TEAD1: variants seen among roughly 807,000 people sequenced by gnomAD.
The protein encoded by TEAD1 is TEA domain transcription factor 1, also known as transcriptional enhancer factor TEF-1.
In TEAD1, 9 loss-of-function variants were observed where a neutral mutation model predicts 54.9. That is an observed-to-expected ratio of 0.16 (90% CI 0.10 to 0.29). TEAD1 has a LOEUF of 0.29. TEAD1 is among the 10% of genes least tolerant of loss of function. TEAD1 has a pLI of 1.00. For missense variants in TEAD1, 387 were observed against 535.9 expected (o/e 0.72, Z 2.74); for synonymous variants, 200 against 187.8 (o/e 1.07, Z -0.53).
At chr11:12,819,497 T>G (rs1946489455) in intron 3 of TEAD1, among the ~76,000 whole-genome samples, 1 of 152,174 alleles carries the variant, frequency 6.6e-6, no homozygotes, top group South Asian at 2.1e-4. Flanking sequence ...TCACCCAGGC[T>G]GGAGTGTAGT....
intron 2 of TEAD1, among the ~76,000 whole-genome samples, chr11:12,722,204 C>T (rs1352055093): frequency 1.3e-5 from 2 of 152,190 alleles, no homozygotes; most frequent in East Asian, 3.8e-4. Context: ...GCTACAGTGA[C>T]AAGATGGGCC....
intron 3 of TEAD1, among the ~76,000 whole-genome samples, chr11:12,775,085 C>A (rs1945392074): frequency 6.6e-6 from 1 of 152,108 alleles, no homozygotes; most frequent in Non-Finnish European, 1.5e-5. Flanking sequence ...TAAGCCTGTT[C>A]AGGACTTGTT....
chr11:12,811,651 G>A (rs1265222830), intron 3 of TEAD1, among the ~76,000 whole-genome samples: 1 of 152,170 alleles, frequency 6.6e-6, no homozygotes. Flanking sequence ...CTGGGGCAAG[G>A]CAGCTTGAGG....
chr11:12,816,734 T>C (rs1946424211), intron 3 of TEAD1, among the ~76,000 whole-genome samples: 1 of 152,178 alleles, frequency 6.6e-6, no homozygotes, highest in Non-Finnish European at 1.5e-5. Flanking sequence ...ACATCTTTTG[T>C]GTGACTCTCC....
intron 9 of TEAD1, among the ~76,000 whole-genome samples, chr11:12,898,480 C>T (rs899852612): frequency 1.4e-4 from 21 of 151,634 alleles, no homozygotes; most frequent in Admixed American, 9.9e-4. Context: ...CTGCAGCCTC[C>T]GTCTCCTGGG....
At chr11:12,863,963 A>G (rs1017572853) in intron 4 of TEAD1, among the ~76,000 whole-genome samples, 5 of 152,120 alleles carry the variant, frequency 3.3e-5, no homozygotes, top group East Asian at 3.9e-4. Context: ...TTTTAACAGG[A>G]TGGCTGGCTG....
intron 2 of TEAD1, among the ~76,000 whole-genome samples, chr11:12,715,360 G>A (rs1331809349): frequency 6.6e-6 from 1 of 152,186 alleles, no homozygotes; most frequent in East Asian, 1.9e-4. Context: ...ACTCCTTGAG[G>A]GATCTGAGAA....
At chr11:12,746,025 G>A (rs1245185491) in intron 2 of TEAD1, among the ~76,000 whole-genome samples, 1 of 152,178 alleles carries the variant, frequency 6.6e-6, no homozygotes, top group Non-Finnish European at 1.5e-5. Flanking sequence ...CAGTTGCTAG[G>A]AGCAAATTAA....
At chr11:12,776,956 G>A (rs1259930460) in intron 3 of TEAD1, among the ~76,000 whole-genome samples, 1 of 151,760 alleles carries the variant, frequency 6.6e-6, no homozygotes, top group African/African-American at 2.4e-5. Context: ...CACCATGCTC[G>A]GCTAATTTTG....
At chr11:12,768,721 G>A (rs1308964441) in intron 3 of TEAD1, among the ~76,000 whole-genome samples, 1 of 152,202 alleles carries the variant, frequency 6.6e-6, no homozygotes, top group Non-Finnish European at 1.5e-5. Context: ...CCCTGTGCTA[G>A]GGGTTGTCAG....
At chr11:12,702,564 TG>T (rs1342313442) in intron 2 of TEAD1, among the ~76,000 whole-genome samples, 1 of 152,218 alleles carries the variant, frequency 6.6e-6, no homozygotes, top group Non-Finnish European at 1.5e-5. Context: ...TGTGCATTTC[TG>T]TCTTCACTGA....
In TEAD1 at chr11:12,678,508, C is replaced by G. The variant is rs146730603; in HGVS notation, c.-55+2947C>G. On this transcript the variant is annotated intron_variant, in intron 2 of 12. Transcript: ENST00000527636. Reference sequence around the variant, plus strand: ...TTGTGTTTGAACCACATCAGTGATACATTTTATTCTTTCATATTCATAAAA... The same window carrying G: ...TTGTGTTTGAACCACATCAGTGATAGATTTTATTCTTTCATATTCATAAAA... Among the ~76,000 whole-genome samples the G allele has an allele frequency of 5.6e-4, 86 of 152,308 alleles. 1 individual carries two copies. Among genetic ancestry groups the G allele is most frequent in the African/African-American group, 1.9e-3 (78 of 41,572 alleles).
At chr11:12,884,547 C>T (rs992515052) in intron 9 of TEAD1, among the ~76,000 whole-genome samples, 4 of 152,122 alleles carry the variant, frequency 2.6e-5, no homozygotes, top group South Asian at 2.1e-4. Context: ...GAAGGCCTCC[C>T]GTGGGGCAGA....
At chr11:12,878,470 A>G (rs1021508589) in intron 5 of TEAD1, among the ~76,000 whole-genome samples, 3 of 152,028 alleles carry the variant, frequency 2.0e-5, no homozygotes, top group African/African-American at 7.2e-5. Context: ...CTTTGATGGC[A>G]TTTGGGCCTG....
At chr11:12,819,726 CA>C (rs1306380018) in intron 3 of TEAD1, among the ~76,000 whole-genome samples, 2 of 152,164 alleles carry the variant, frequency 1.3e-5, no homozygotes, top group Non-Finnish European at 2.9e-5. Context: ...GCTGGGATTA[CA>C]GGCGTGAACC....
intron 3 of TEAD1, among the ~76,000 whole-genome samples, chr11:12,769,263 G>A (rs562702092): frequency 5.8e-4 from 89 of 152,192 alleles, no homozygotes; most frequent in African/African-American, 1.9e-3. Context: ...GTCCTCCCCC[G>A]CTGCTGACCT....
At chr11:12,881,800 A>C (rs1218791585) in intron 7 of TEAD1, 96 bp from the exon 8 acceptor site, 7 of 1,274,768 alleles carry the variant, frequency 5.5e-6, no homozygotes, top group Admixed American at 1.7e-5. Flanking sequence ...CACAGCGGTG[A>C]AGGACCTCCC....
chr11:12,764,614 T>G (rs1945166212), intron 3 of TEAD1, among the ~76,000 whole-genome samples, 180 bp downstream of exon 3: 1 of 151,918 alleles, frequency 6.6e-6, no homozygotes, highest in African/African-American at 2.4e-5. Flanking sequence ...ATAAAGGACC[T>G]TTGGGAAAAA....
intron 10 of TEAD1, among the ~76,000 whole-genome samples, chr11:12,911,994 C>G (rs1398327661): frequency 4.0e-5 from 6 of 151,420 alleles, no homozygotes; most frequent in Non-Finnish European, 8.8e-5. Flanking sequence ...TATTTTATTT[C>G]AATCAGTAAA....
Sources: allele counts gnomAD v4.1 joint callset (sites outside exome capture counted in the v4.1 genomes callset), GRCh38; gene constraint gnomAD v4.1.1; transcripts MANE v1.5; gene names NCBI Gene and HGNC (gene_info 2026-07-23, HGNC 2026-07-21).